EEF1A2: variants seen among roughly 807,000 people sequenced by gnomAD.
EEF1A2 encodes elongation factor 1-alpha 2.
EEF1A2 carries 5 observed loss-of-function variants against 39.3 expected under a neutral mutation model. The observed-to-expected ratio is 0.13, with a 90% confidence interval of 0.07 to 0.27. The LOEUF (loss-of-function observed/expected upper bound fraction) is 0.27, where lower values mean the gene tolerates loss of function less well. EEF1A2 is among the 10% of genes least tolerant of loss of function. The pLI is 1.00. For missense variants in EEF1A2, 218 were observed against 681.4 expected (o/e 0.32, Z 7.57); for synonymous variants, 287 against 293.7 (o/e 0.98, Z 0.23).
At chr20:63,492,577 AATGGATGGATGGATGC>A (rs2082393334) in intron 5 of EEF1A2, among the ~76,000 whole-genome samples, 1 of 14,768 alleles carries the variant, frequency 6.8e-5, no homozygotes, top group Non-Finnish European at 1.3e-4. Context: ...TGGGTGGGAC[AATGGATGGATGGATGC>A]ATGGATGGAT....
intron 3 of EEF1A2, 126 bp downstream of exon 3, chr20:63,495,730 G>A: frequency 8.0e-7 from 1 of 1,257,456 alleles, no homozygotes; most frequent in Non-Finnish European, 1.1e-6. Context: ...TGGCCCAGGT[G>A]AGGGGTCCCC....
chr20:63,488,179 C>G lies in EEF1A2; in HGVS notation c.*119G>C, dbSNP rs1213842406. ...TCTGGCAAGCGGAGGTGCAGACATG[C>G]GCCTGGCGGGGGTGCGGGGCGCCGG... On this transcript the variant is annotated 3_prime_UTR_variant, in exon 8 of 8. Transcript: ENST00000217182. 1 of 601,892 alleles carries G rather than the reference C, an allele frequency of 1.7e-6. No individual in the cohort carries two copies. The highest frequency in any genetic ancestry group is 2.0e-6 in the Non-Finnish European group (1 of 489,990). 37.3% of individuals were successfully genotyped at this position (601,892 alleles called of 1,614,324 possible).
Position 63,490,752 on chromosome 20 carries a change from G to A in EEF1A2, c.773-17C>T, listed in dbSNP as rs756043472. Reference sequence around the variant, plus strand: ...TGCCAATGCCTGCAGAGGGGAGGGGGTGTGAGGGGAAGGTGGGGCCCGAGG... The same window carrying A: ...TGCCAATGCCTGCAGAGGGGAGGGGATGTGAGGGGAAGGTGGGGCCCGAGG... On this transcript the variant is annotated splice_polypyrimidine_tract_variant and intron_variant, in intron 5 of 7. Coordinates refer to ENST00000217182, the MANE Select transcript of EEF1A2 (RefSeq NM_001958.5). 2.5e-6 allele frequency: 4 copies of A among 1,583,868 alleles called. No homozygotes were observed. The highest frequency in any genetic ancestry group is 4.5e-5 in the East Asian group (2 of 44,374).
At chr20:63,491,194 G>A (rs1214423499) in intron 5 of EEF1A2, among the ~76,000 whole-genome samples, 1 of 67,596 alleles carries the variant, frequency 1.5e-5, no homozygotes, top group Non-Finnish European at 2.7e-5. Flanking sequence ...CCTGCTCCCT[G>A]CTCCCTGCAG....
At chr20:63,490,840 C>A in intron 5 of EEF1A2, 105 bp from the exon 6 acceptor site, 2 of 1,378,768 alleles carry the variant, frequency 1.5e-6, no homozygotes, top group South Asian at 1.3e-5. Context: ...GGACTGGATC[C>A]CCCCGACAGG....
At chr20:63,491,288 A>G (rs945464197) in intron 5 of EEF1A2, among the ~76,000 whole-genome samples, 3 of 152,222 alleles carry the variant, frequency 2.0e-5, no homozygotes, top group Admixed American at 2.0e-4. Context: ...TCTCAGCCAG[A>G]TGCAGCACAG....
At chr20:63,496,096 G>A in intron 2 of EEF1A2, 61 bp from the exon 3 acceptor site, 1 of 1,588,050 alleles carries the variant, frequency 6.3e-7, no homozygotes, top group African/African-American at 1.3e-5. Flanking sequence ...CCCTGGTGGT[G>A]CGAGCTGCTT....
intron 5 of EEF1A2, among the ~76,000 whole-genome samples, chr20:63,492,119 T>C: frequency 8.4e-6 from 1 of 118,646 alleles, no homozygotes; most frequent in East Asian, 2.5e-4. Context: ...GATGGATGGA[T>C]GGATGGATGG....
intron 5 of EEF1A2, among the ~76,000 whole-genome samples, chr20:63,492,645 A>AATGG (rs1024932664): frequency 3.0e-3 from 68 of 22,456 alleles, no homozygotes; most frequent in Non-Finnish European, 3.7e-3. Context: ...TGGGACAATC[A>AATGG]ATGGATGGAT....
At chr20:63,488,511 C>T (rs1241282386) in intron 7 of EEF1A2, 86 bp from the exon 8 acceptor site, 6 of 1,310,286 alleles carry the variant, frequency 4.6e-6, no homozygotes, top group Non-Finnish European at 5.8e-6. Flanking sequence ...GGGGCGCAAC[C>T]GCGTCGGGAA....
In EEF1A2 at chr20:63,498,487, A is replaced by G. The variant is rs1411002437; in HGVS notation, c.-72+571T>C. On this transcript the variant is annotated intron_variant, in intron 1 of 7. Coordinates refer to ENST00000217182, the MANE Select transcript of EEF1A2 (RefSeq NM_001958.5). This position sits in a 1 kb window ranked among gnomAD's most constrained non-coding sequence, Gnocchi z 4.1. ...GGGGGTCCCTGTTCCAGCCTGAGGA[A>G]GGAGGACCCGGCCCTGCCGAGCCCA... is the stretch of plus-strand genomic sequence containing the variant. 6.6e-6 allele frequency: 1 copy of G among 152,624 alleles called. No individual in the cohort carries two copies. Among genetic ancestry groups the G allele is most frequent in the Non-Finnish European group, 1.5e-5 (1 of 68,384 alleles). The allele number at this position is 152,624 out of a possible 1,614,324, so 9.5% of individuals were successfully genotyped here.
Position 63,488,211 on chromosome 20 carries a change from G to A in EEF1A2, c.*87C>T. The A allele has an allele frequency of 1.2e-6, 1 of 866,270 alleles. No homozygotes were observed. Among genetic ancestry groups the A allele is most frequent in the Non-Finnish European group, 1.4e-6 (1 of 738,710 alleles). The allele number at this position is 866,270 out of a possible 1,614,324, so 53.7% of individuals were successfully genotyped here. ...CGGGGGTGCGGGGCGCCGGACCGGC[G>A]CGCGGGGCGGGGGCGGGGCGGGGGC... On this transcript the variant is annotated 3_prime_UTR_variant, in exon 8 of 8. Transcript: ENST00000217182.
Position 63,496,024 on chromosome 20 carries a change from T to A in EEF1A2, c.156A>T (p.Gly52=). ...FEKEAAEMGK[G]SFKYAWVLDK... ...CCAGCACCCAGGCATACTTGAAGGA[T>A]CCCTTCCCCATCTGGAGCGGGTGAG... is the stretch of plus-strand genomic sequence containing the variant. Residue 52 remains glycine, a synonymous_variant, in exon 3 of 8, where the codon GGA becomes GGT. Transcript: ENST00000217182. The A allele has an allele frequency of 6.2e-7, 1 of 1,612,602 alleles. No individual in the cohort carries two copies. Among genetic ancestry groups the A allele is most frequent in the Non-Finnish European group, 8.5e-7 (1 of 1,179,888 alleles).
rs1402135363 is a variant in EEF1A2, at chr20:63,495,848, C to T, written c.324+8G>A. On this transcript the variant is annotated splice_region_variant and intron_variant, in intron 3 of 7. Transcript: ENST00000217182. ...CTCCCCCAGCCCCGCCTGCTGTGCC[C>T]TGCTCACCTGGGATGTACCCGTGAT... 1.9e-6 allele frequency: 3 copies of T among 1,612,536 alleles called. No individual in the cohort carries two copies. The highest frequency in any genetic ancestry group is 1.7e-5 in the Admixed American group (1 of 60,006).
At chr20:63,488,537 C>CT (rs2082363613) in intron 7 of EEF1A2, 112 bp from the exon 8 acceptor site, 3 of 1,297,136 alleles carry the variant, frequency 2.3e-6, no homozygotes, top group Non-Finnish European at 3.0e-6. Flanking sequence ...TCGGAACACG[C>CT]TTAGCGCAGA....
intron 5 of EEF1A2, among the ~76,000 whole-genome samples, chr20:63,492,516 A>AGGTG (rs1349718791): frequency 8.0e-6 from 1 of 125,464 alleles, no homozygotes; most frequent in Non-Finnish European, 1.7e-5. Flanking sequence ...ATGGGTGGGG[A>AGGTG]GGTGGATGGA....
At chr20:63,490,402 C>T (rs1450150339) in intron 6 of EEF1A2, 77 bp downstream of exon 6, 6 of 1,528,986 alleles carry the variant, frequency 3.9e-6, no homozygotes, top group South Asian at 2.4e-5. Context: ...GGCCACCTGC[C>T]GACAGCAGCC....
Position 63,498,203 on chromosome 20 carries a change from C to T in EEF1A2, c.-71-369G>A, listed in dbSNP as rs532817852. 2 of 154,380 alleles carry T rather than the reference C, an allele frequency of 1.3e-5. No individual in the cohort carries two copies. The highest frequency in any genetic ancestry group is 2.4e-5 in the African/African-American group (1 of 41,616). 9.6% of individuals were successfully genotyped at this position (154,380 alleles called of 1,614,324 possible). ...GTCACCTGCCCAGCGCTCCAGGGCC[C>T]TGTCCTGCACGCGCACTCCCCTCCC... On this transcript the variant is annotated intron_variant, in intron 1 of 7. Coordinates refer to ENST00000217182, the MANE Select transcript of EEF1A2 (RefSeq NM_001958.5). This position sits in a 1 kb window ranked among gnomAD's most constrained non-coding sequence, Gnocchi z 4.1.
At position 63,488,358 on chromosome 20, in the gene EEF1A2, C is replaced by T. The variant is rs1404036862; in HGVS notation, c.1332G>A (p.Lys444=). The T allele has an allele frequency of 1.2e-5, 18 of 1,476,280 alleles. No individual in the cohort carries two copies. Among genetic ancestry groups the T allele is most frequent in the Non-Finnish European group, 1.6e-5 (18 of 1,114,634 alleles). The allele number at this position is 1,476,280 out of a possible 1,614,324, so 91.4% of individuals were successfully genotyped here. Residue 444 remains lysine (K), a synonymous_variant, in exon 8 of 8, where the codon AAG becomes AAA. Transcript: ENST00000217182. ...TGGTGACCTTGCCGGCGCCGCCGCT[C>T]TTCTTCTCCACGTTCTTGATGACGC... ...AVGVIKNVEK[K]SGGAGKVTKS...
Sources: allele counts gnomAD v4.1 joint callset (sites outside exome capture counted in the v4.1 genomes callset), GRCh38; gene constraint gnomAD v4.1.1; non-coding constraint Gnocchi (gnomAD v3.1); transcripts MANE v1.5; gene names NCBI Gene and HGNC (gene_info 2026-07-23, HGNC 2026-07-21).